FANK1: variants seen among roughly 807,000 people sequenced by gnomAD.
The protein encoded by FANK1 is fibronectin type III and ankyrin repeat domains 1, also known as fibronectin type 3 and ankyrin repeat domains protein 1.
FANK1 carries 44 observed loss-of-function variants against 45.3 expected under a neutral mutation model. The ratio of observed to expected loss-of-function variants is 0.97; its 90% CI spans 0.76 to 1.25. FANK1 has a LOEUF of 1.25. FANK1 is among the 50% of genes most tolerant of loss of function. FANK1 has a pLI of 0.00. For synonymous variants in FANK1, 149 were observed against 152.5 expected (o/e 0.98, Z 0.17); for missense variants, 391 against 424.4 (o/e 0.92, Z 0.69).
intron 1 of FANK1, among the ~76,000 whole-genome samples, chr10:125,939,537 T>C (rs1352504377): frequency 6.6e-6 from 1 of 152,068 alleles, no homozygotes; most frequent in Non-Finnish European, 1.5e-5. Context: ...TTCTTTTATC[T>C]TTCTGTAGGT....
chr10:125,958,170 A>G lies in FANK1; in HGVS notation c.14-21991A>G, dbSNP rs562526191. ...TCCTCCTATCTAGCTGTAATTTTGT[A>G]TCCTTTAGCAAACCTCTTCCTATCT... On this transcript the variant is annotated intron_variant, in intron 1 of 10. Coordinates refer to ENST00000368693, the MANE Select transcript of FANK1 (RefSeq NM_145235.5). 1.9e-4 allele frequency among the ~76,000 whole-genome samples: 29 copies of G among 152,220 alleles called. No homozygotes were observed. In the South Asian group the frequency reaches 4.1e-3, roughly 22 times the overall value.
At chr10:125,930,435 C>G (rs1564884453) in intron 1 of FANK1, among the ~76,000 whole-genome samples, 1 of 152,014 alleles carries the variant, frequency 6.6e-6, no homozygotes, top group Non-Finnish European at 1.5e-5. Context: ...CTCCCTGGCT[C>G]AAGCAATCCT....
chr10:125,989,262 GA>G (rs1424568858), intron 3 of FANK1: 3 of 1,546,084 alleles, frequency 1.9e-6, no homozygotes, highest in Non-Finnish European at 2.6e-6. Flanking sequence ...GCATTTTAAA[GA>G]TGCTATCTAT....
chr10:125,919,232 G>GTC (rs1442159247), intron 1 of FANK1, among the ~76,000 whole-genome samples: 1 of 47,054 alleles, frequency 2.1e-5, no homozygotes, highest in African/African-American at 8.7e-5. Context: ...TTGTGACAGA[G>GTC]TCTTGCTCTG....
At chr10:125,979,979 T>G in intron 1 of FANK1, 182 bp from the exon 2 acceptor site, 1 of 650,130 alleles carries the variant, frequency 1.5e-6, no homozygotes, top group Non-Finnish European at 2.7e-6. Flanking sequence ...AGCTCACACA[T>G]CAGCTGAATT....
chr10:125,987,586 A>C (rs1951649444), intron 2 of FANK1, among the ~76,000 whole-genome samples: 1 of 152,082 alleles, frequency 6.6e-6, no homozygotes, highest in Non-Finnish European at 1.5e-5. Context: ...AAGAAAAGAA[A>C]AATTTAGAGA....
intron 1 of FANK1, among the ~76,000 whole-genome samples, chr10:125,920,366 C>G (rs1252859183): frequency 1.3e-5 from 2 of 152,116 alleles, no homozygotes. Context: ...TGGATTAAGT[C>G]TTTCATAAGG....
At chr10:125,906,292 G>A (rs1388174104) in intron 1 of FANK1, among the ~76,000 whole-genome samples, 2 of 152,066 alleles carry the variant, frequency 1.3e-5, no homozygotes, top group Admixed American at 6.6e-5. Flanking sequence ...AAGGTGGGCC[G>A]ATCACCTGAG....
intron 1 of FANK1, among the ~76,000 whole-genome samples, chr10:125,930,454 A>C (rs1369435820): frequency 6.6e-6 from 1 of 151,088 alleles, no homozygotes. Context: ...CTCCCACCTC[A>C]GCCTCCTGAG....
intron 1 of FANK1, among the ~76,000 whole-genome samples, chr10:125,928,002 G>A (rs61870918): frequency 6.6e-6 from 1 of 152,104 alleles, no homozygotes; most frequent in Admixed American, 6.6e-5. Context: ...TGCCAGCTGT[G>A]GATGAATGTT....
intron 1 of FANK1, among the ~76,000 whole-genome samples, chr10:125,966,489 C>T (rs892009407): frequency 3.9e-4 from 60 of 152,170 alleles, no homozygotes; most frequent in African/African-American, 1.3e-3. Flanking sequence ...GTTCCCTGCT[C>T]CTCTCTTTGC....
chr10:125,916,938 G>A (rs182994647), intron 1 of FANK1, among the ~76,000 whole-genome samples: 4 of 152,262 alleles, frequency 2.6e-5, no homozygotes, highest in African/African-American at 7.2e-5. Flanking sequence ...TGAAGATAAC[G>A]CTGAATCGAA....
At chr10:125,993,946 C>T (rs540565204) in intron 3 of FANK1, among the ~76,000 whole-genome samples, 5 of 152,316 alleles carry the variant, frequency 3.3e-5, no homozygotes, top group African/African-American at 1.2e-4. Flanking sequence ...TCCTGTCTCA[C>T]TGTTTTCCCA....
Position 125,988,573 on chromosome 10 carries a change from G to C in FANK1, c.214G>C (p.Val72Leu), listed in dbSNP as rs374339181. 2.5e-6 allele frequency: 4 copies of C among 1,614,106 alleles called. No individual in the cohort carries two copies. Among genetic ancestry groups the C allele is most frequent in the Non-Finnish European group, 3.4e-6 (4 of 1,180,040 alleles). Residue 72 changes from valine to leucine, a missense_variant, in exon 3 of 11, where the codon GTT becomes CTT. Val to Leu is a conservative substitution (Grantham distance 32). Transcript: ENST00000368693. ...TAGGGGATATGCAACGAAGCATGTT[G>C]TTGAAGGTCTGGAACCAAGGACGCT... is the stretch of plus-strand genomic sequence containing the variant. Reference protein sequence around the residue: ...IYTGYATKHVVEGLEPRTLYR... With the variant: ...IYTGYATKHVLEGLEPRTLYR...
intron 6 of FANK1, among the ~76,000 whole-genome samples, chr10:126,001,604 G>A (rs753722477): frequency 6.6e-6 from 1 of 152,178 alleles, no homozygotes; most frequent in Admixed American, 6.5e-5. Context: ...TTGTGAACCA[G>A]AGAGGGGAAT....
intron 2 of FANK1, among the ~76,000 whole-genome samples, chr10:125,981,660 T>G (rs776017280): frequency 3.3e-5 from 5 of 152,240 alleles, no homozygotes; most frequent in Non-Finnish European, 7.3e-5. Flanking sequence ...AGTGAAACTT[T>G]TAATTTTGAA....
At chr10:125,918,123 G>C (rs1407284097) in intron 1 of FANK1, among the ~76,000 whole-genome samples, 1 of 152,300 alleles carries the variant, frequency 6.6e-6, no homozygotes, top group Non-Finnish European at 1.5e-5. Context: ...CCAGAGGCTG[G>C]GGTAGAGAGG....
chr10:125,960,350 C>G (rs959245707), intron 1 of FANK1: 1 of 214,240 alleles, frequency 4.7e-6, no homozygotes, highest in Non-Finnish European at 9.6e-6. Flanking sequence ...CGCCGACCTG[C>G]AGCTTGAGCT....
chr10:125,942,191 A>C (rs1169861491), intron 1 of FANK1, among the ~76,000 whole-genome samples: 1 of 152,252 alleles, frequency 6.6e-6, no homozygotes, highest in Admixed American at 6.5e-5. Context: ...AGTAAATTTC[A>C]TGGGCAGTGT....
Sources: gnomAD v4.1 joint callset for allele counts (sites outside exome capture counted in the v4.1 genomes callset) on GRCh38, gnomAD v4.1.1 for gene constraint, MANE v1.5 for transcripts, NCBI Gene and HGNC (gene_info 2026-07-23, HGNC 2026-07-21) for gene names.